OPTN: variants seen among roughly 807,000 people sequenced by gnomAD.
The protein encoded by OPTN is optineurin.
OPTN carries 54 observed loss-of-function variants against 70.4 expected under a neutral mutation model. That is an observed-to-expected ratio of 0.77 (90% CI 0.62 to 0.96). The LOEUF is 0.96. Among genes scored for constraint, OPTN ranks in the 40% least tolerant of loss-of-function variants. The pLI is 0.00. For synonymous variants in OPTN, 256 were observed against 248.5 expected, an observed-to-expected ratio of 1.03 and a Z score of -0.28; for missense variants, 624 against 673.2, an observed-to-expected ratio of 0.93 and a Z score of 0.81.
chr10:13,107,319 G>A (rs1317634930), intron 1 of OPTN, among the ~76,000 whole-genome samples: 1 of 150,994 alleles, frequency 6.6e-6, no homozygotes, highest in Non-Finnish European at 1.5e-5. Context: ...AGGTTGCAGT[G>A]AGCCGAGATC....
In OPTN at chr10:13,110,404, C is replaced by G; in HGVS notation, c.297C>G (p.Ala99=). 6.2e-7 allele frequency: 1 copy of G among 1,613,998 alleles called. No individual in the cohort carries two copies. The highest frequency in any genetic ancestry group is 8.5e-7 in the Non-Finnish European group (1 of 1,179,954). The change falls in exon 4 of 15, where the codon GCC becomes GCG. Residue 99 remains alanine, a synonymous_variant. Coordinates refer to ENST00000378747, the MANE Select transcript of OPTN (RefSeq NM_001008212.2). ...AAGAAGCAAAAGAGCGTCTAATGGC[C>G]TTGAGTCATGAGAATGAGAAATTGA... ...QSKEAKERLM[A]LSHENEKLKE... is the part of the protein sequence containing the mutation.
intron 4 of OPTN, among the ~76,000 whole-genome samples, 166 bp downstream of exon 4, chr10:13,110,642 C>G (rs1348096621): frequency 6.6e-6 from 1 of 152,002 alleles, no homozygotes; most frequent in Non-Finnish European, 1.5e-5. Flanking sequence ...ATTGGTTGCC[C>G]TATTAAGGGT....
intron 5 of OPTN, among the ~76,000 whole-genome samples, chr10:13,115,156 TTA>T (rs1363083431): frequency 1.4e-4 from 13 of 90,896 alleles, no homozygotes; most frequent in East Asian, 6.5e-4. Flanking sequence ...ATCTATATAT[TTA>T]TATATAGATA....
intron 5 of OPTN, among the ~76,000 whole-genome samples, chr10:13,115,487 C>CTATATTATATAATATAGAATATATATAA (rs1833174250): frequency 1.1e-5 from 1 of 91,230 alleles, no homozygotes; most frequent in East Asian, 3.1e-4. Context: ...ATAATATATT[C>CTATATTATATAATATAGAATATATATAA]TATATTATAT....
In OPTN at chr10:13,109,211, C is replaced by CA; in HGVS notation, c.92dup (p.Asn31LysfsTer32). 1 of 1,614,032 alleles carries CA rather than the reference C, an allele frequency of 6.2e-7. No individual in the cohort carries two copies. The highest frequency in any genetic ancestry group is 8.5e-7 in the Non-Finnish European group (1 of 1,179,980). On this transcript the variant is annotated frameshift_variant, in exon 3 of 15. Transcript: ENST00000378747. LOFTEE classifies it high-confidence loss of function. Reference sequence around the variant, plus strand: ...AATGGACCCCCCCACCTGGCCCACCCAAACCTGGACACGTTTACCCCGGAG... The same window carrying CA: ...AATGGACCCCCCCACCTGGCCCACCCAAAACCTGGACACGTTTACCCCGGAG...
chr10:13,113,884 C>T (rs768931080), intron 5 of OPTN, among the ~76,000 whole-genome samples: 2 of 151,752 alleles, frequency 1.3e-5, no homozygotes, highest in Non-Finnish European at 2.9e-5. Context: ...CTGGCGAAAC[C>T]CTGTGTGTAC....
At chr10:13,107,677 G>A (rs1036302502) in intron 1 of OPTN, among the ~76,000 whole-genome samples, 21 of 152,138 alleles carry the variant, frequency 1.4e-4, no homozygotes, top group Admixed American at 3.9e-4. Flanking sequence ...CACCGCGCCC[G>A]GCTCAAAAAC....
chr10:13,134,524 C>CCGGGTT (rs1833658381), intron 14 of OPTN, among the ~76,000 whole-genome samples: 1 of 152,202 alleles, frequency 6.6e-6, no homozygotes, highest in Non-Finnish European at 1.5e-5. Context: ...CCTCCGCCTC[C>CCGGGTT]CGGGTTCAAG....
At position 13,136,866 on chromosome 10, in the gene OPTN, A is replaced by G. The variant is rs772020824; in HGVS notation, c.1734A>G (p.Ter578=). The change falls in exon 15 of 15, where the codon TAA becomes TAG. Residue 578 remains the stop codon, a stop_retained_variant. Coordinates refer to ENST00000378747, the MANE Select transcript of OPTN (RefSeq NM_001008212.2). ...TTCACGTGATGGATTGCATCATTTA[A>G]GTGTTGATGTATCACCTCCCCAAAA... ...LQIHVMDCII[*] 7.4e-6 allele frequency: 12 copies of G among 1,614,068 alleles called. No individual in the cohort carries two copies. The African/African-American group carries it at 1.5e-4, about 20-fold the overall frequency.
At chr10:13,126,190 T>TA (rs1392107331) in intron 11 of OPTN, 151 bp downstream of exon 11, 2 of 643,432 alleles carry the variant, frequency 3.1e-6, no homozygotes, top group Non-Finnish European at 5.5e-6. Flanking sequence ...CTAGGGTTTG[T>TA]AACTTCTGAT....
In OPTN at chr10:13,133,934, G is replaced by A. The variant is rs138262330; in HGVS notation, c.1612+353G>A. ...AACGGTTCTCCTTCCACAGCCTCCC[G>A]AGTGGCTGGAATTACAGGCGTGCAC... On this transcript the variant is annotated intron_variant, in intron 14 of 14. Transcript: ENST00000378747. Among the ~76,000 whole-genome samples, 562 of 152,018 alleles carry A rather than the reference G, an allele frequency of 3.7e-3. 2 individuals are homozygous for A. Among genetic ancestry groups the A allele is most frequent in the African/African-American group, 0.012 (513 of 41,452 alleles).
At position 13,100,195 on chromosome 10, in the gene OPTN, C is replaced by G. The variant is rs1321913160; in HGVS notation, c.-271C>G. On this transcript the variant is annotated 5_prime_UTR_variant, in exon 1 of 15. Transcript: ENST00000378747. ...GCTGCCCCCTCCGCCACCGCCGCCGCCCGCCGGCAGGTTCCCTGGTCAGCG... is the reference window on the plus strand; with the variant it reads ...GCTGCCCCCTCCGCCACCGCCGCCGGCCGCCGGCAGGTTCCCTGGTCAGCG... The G allele has an allele frequency of 1.3e-5, 2 of 154,626 alleles. No homozygotes were observed. Among genetic ancestry groups the G allele is most frequent in the African/African-American group, 4.8e-5 (2 of 41,484 alleles). The allele number at this position is 154,626 out of a possible 1,614,324, so 9.6% of individuals were successfully genotyped here.
chr10:13,101,471 G>A (rs1425408013), intron 1 of OPTN, among the ~76,000 whole-genome samples: 5 of 124,658 alleles, frequency 4.0e-5, no homozygotes, highest in South Asian at 2.5e-4. Context: ...ATGTCCTGCC[G>A]AACCCCCGCC....
chr10:13,131,230 T>A (rs992697701), intron 12 of OPTN: 1 of 152,258 alleles, frequency 6.6e-6, no homozygotes, highest in African/African-American at 2.4e-5. Flanking sequence ...CCAAAGCAAG[T>A]GATCCAACAG....
At chr10:13,101,526 CCTT>C (rs1832748048) in intron 1 of OPTN, among the ~76,000 whole-genome samples, 2 of 150,892 alleles carry the variant, frequency 1.3e-5, no homozygotes, top group Admixed American at 1.3e-4. Context: ...ATGAAATACA[CCTT>C]CTGTTTTATA....
In OPTN at chr10:13,126,261, AG is replaced by A. The variant is rs1252769853; in HGVS notation, c.1242+225del. Among the ~76,000 whole-genome samples the A allele has an allele frequency of 2.3e-4, 35 of 150,612 alleles. 1 individual carries two copies. The highest frequency in any genetic ancestry group is 7.8e-4 in the African/African-American group (32 of 41,004). On this transcript the variant is annotated intron_variant, in intron 11 of 14. Coordinates refer to ENST00000378747, the MANE Select transcript of OPTN (RefSeq NM_001008212.2). The stretch of plus-strand genomic sequence containing the variant: ...AAGATGATGTGAATGTCCTATGGTC[AG>A]GGATTAAGCACTTCGTATTTCTTTT...
rs372680693 is a variant in OPTN, at chr10:13,101,001, G to C, written c.-164+699G>C. On this transcript the variant is annotated intron_variant, in intron 1 of 14. Coordinates refer to ENST00000378747, the MANE Select transcript of OPTN (RefSeq NM_001008212.2). Reference sequence around the variant, plus strand: ...GCATAGAAAAGTAAGGCAATGTGAGGACCTCAGAAGCCTTTGGATCTGGTT... The same window carrying C: ...GCATAGAAAAGTAAGGCAATGTGAGCACCTCAGAAGCCTTTGGATCTGGTT... Among the ~76,000 whole-genome samples, 5 of 152,232 alleles carry C rather than the reference G, an allele frequency of 3.3e-5. No individual in the cohort carries two copies. The East Asian group carries it at 9.6e-4, about 29-fold the overall frequency.
chr10:13,127,642 C>T (rs952467465), intron 11 of OPTN, 103 bp from the exon 12 acceptor site: 45 of 1,304,096 alleles, frequency 3.5e-5, no homozygotes, highest in African/African-American at 4.4e-5. Flanking sequence ...CCACCACACC[C>T]GGCCAGAGCT....
At chr10:13,125,390 A>G (rs1243125678) in intron 9 of OPTN, 28 bp from the exon 10 acceptor site, 7 of 1,613,676 alleles carry the variant, frequency 4.3e-6, no homozygotes, top group Non-Finnish European at 5.1e-6. Flanking sequence ...AGCATTGTTT[A>G]TCCTCATGAA....
Sources: gnomAD v4.1 joint callset for allele counts (sites outside exome capture counted in the v4.1 genomes callset) on GRCh38, gnomAD v4.1.1 for gene constraint, MANE v1.5 for transcripts, NCBI Gene and HGNC (gene_info 2026-07-23, HGNC 2026-07-21) for gene names.